The following GALNT17 variants were observed in gnomAD, a reference collection of about 807,000 sequenced individuals.
The protein encoded by GALNT17 is polypeptide N-acetylgalactosaminyltransferase 17, also known as UDP-GalNAc:polypeptide N-acetylgalactosaminyltransferase-like 3.
GALNT17 carries 29 observed loss-of-function variants against 63.7 expected under a neutral mutation model. The ratio of observed to expected loss-of-function variants is 0.46; its 90% CI spans 0.34 to 0.62. The LOEUF is 0.62. Among genes scored for constraint, GALNT17 ranks in the 20% least tolerant of loss-of-function variants. The pLI, the probability that GALNT17 is intolerant of heterozygous loss-of-function variation, is 0.01. For synonymous variants in GALNT17, 305 were observed against 318.3 expected (o/e 0.96, Z 0.45); for missense variants, 603 against 799.6 (o/e 0.75, Z 2.97).
Position 71,250,681 on chromosome 7 carries a change from G to A in GALNT17, c.239-84869G>A, listed in dbSNP as rs545901383. 5.3e-5 allele frequency among the ~76,000 whole-genome samples: 8 copies of A among 152,240 alleles called. No homozygotes were observed. In the East Asian group the frequency reaches 1.2e-3, roughly 22 times the overall value. ...ATTTAGTTCAGAATATAAATTTACC[G>A]TAGTGACAAAAACTGCAATTACTTT... On this transcript the variant is annotated intron_variant, in intron 1 of 10. Transcript: ENST00000333538.
At chr7:71,622,012 T>C (rs1304634927) in intron 6 of GALNT17, among the ~76,000 whole-genome samples, 1 of 152,176 alleles carries the variant, frequency 6.6e-6, no homozygotes, top group Admixed American at 6.5e-5. Flanking sequence ...CCAGTAAACC[T>C]TACACCATAA....
intron 5 of GALNT17, among the ~76,000 whole-genome samples, chr7:71,511,274 G>A (rs867153902): frequency 6.6e-6 from 1 of 152,166 alleles, no homozygotes; most frequent in Middle Eastern, 3.2e-3. Context: ...GTGGGAATGG[G>A]CTTGGATTTG....
chr7:71,168,701 GTGTA>G (rs918123818), intron 1 of GALNT17, among the ~76,000 whole-genome samples: 6 of 76,432 alleles, frequency 7.9e-5, no homozygotes, highest in South Asian at 9.9e-4. Context: ...ACATAGTTAC[GTGTA>G]TGTGTGTGTG....
In GALNT17 at chr7:71,533,803, T is replaced by A. The variant is rs575554817; in HGVS notation, c.963-37482T>A. On this transcript the variant is annotated intron_variant, in intron 5 of 10. Transcript: ENST00000333538. Reference sequence around the variant, plus strand: ...AACACAGGTGATGTCAGCTGGGAGATGGAAGGCTGCTCCCAAATCCATCTC... The same window carrying A: ...AACACAGGTGATGTCAGCTGGGAGAAGGAAGGCTGCTCCCAAATCCATCTC... Among the ~76,000 whole-genome samples, 3 of 152,172 alleles carry A rather than the reference T, an allele frequency of 2.0e-5. No individual in the cohort carries two copies. In the South Asian group the frequency reaches 6.2e-4, roughly 32 times the overall value.
At chr7:71,657,404 C>T (rs1790844280) in intron 6 of GALNT17, among the ~76,000 whole-genome samples, 2 of 152,234 alleles carry the variant, frequency 1.3e-5, no homozygotes, top group African/African-American at 4.8e-5. Context: ...GTTTGGAGCC[C>T]ATAGCCTGTG....
At chr7:71,492,202 C>G (rs780810720) in intron 5 of GALNT17, among the ~76,000 whole-genome samples, 7 of 152,156 alleles carry the variant, frequency 4.6e-5, no homozygotes, top group African/African-American at 1.7e-4. Context: ...TCACTTGAAC[C>G]AGGGAGTCGG....
chr7:71,432,055 A>G (rs1363752809), intron 5 of GALNT17, among the ~76,000 whole-genome samples: 1 of 152,106 alleles, frequency 6.6e-6, no homozygotes, highest in African/African-American at 2.4e-5. Context: ...CACACCTGTA[A>G]TTCCAGCTAC....
chr7:71,624,491 A>G (rs1040530524), intron 6 of GALNT17, among the ~76,000 whole-genome samples: 4 of 152,040 alleles, frequency 2.6e-5, no homozygotes, highest in Non-Finnish European at 4.4e-5. Flanking sequence ...TTGCAAGGGG[A>G]AAAAAATGAC....
At chr7:71,488,524 C>A (rs1041697465) in intron 5 of GALNT17, among the ~76,000 whole-genome samples, 4 of 151,700 alleles carry the variant, frequency 2.6e-5, no homozygotes, top group African/African-American at 9.7e-5. Context: ...CTAACACAAT[C>A]CCAGCTCCAC....
chr7:71,392,450 C>G (rs1793067755), intron 3 of GALNT17, among the ~76,000 whole-genome samples: 1 of 152,136 alleles, frequency 6.6e-6, no homozygotes, highest in Admixed American at 6.5e-5. Context: ...TAAGAACCCC[C>G]TGGGACTCCA....
In GALNT17 at chr7:71,700,506, T is replaced by C. The variant is rs563983493; in HGVS notation, c.1501-10255T>C. 3.3e-5 allele frequency among the ~76,000 whole-genome samples: 5 copies of C among 152,156 alleles called. No homozygotes were observed. In the South Asian group the frequency reaches 1.0e-3, roughly 32 times the overall value. On this transcript the variant is annotated intron_variant, in intron 9 of 10. Coordinates refer to ENST00000333538, the MANE Select transcript of GALNT17 (RefSeq NM_022479.3). ...ATGGCTCTTGATGAGAAAGCCCCGA[T>C]TCCTGAGCTTGATGGACTCCATCTA... is the stretch of plus-strand genomic sequence containing the variant.
chr7:71,180,463 G>A (rs544100292), intron 1 of GALNT17, among the ~76,000 whole-genome samples: 5 of 152,114 alleles, frequency 3.3e-5, no homozygotes, highest in Non-Finnish European at 5.9e-5. Flanking sequence ...GTCACGTGCA[G>A]ATGAATGGTG....
At chr7:71,204,932 G>A (rs561208960) in intron 1 of GALNT17, among the ~76,000 whole-genome samples, 1 of 151,998 alleles carries the variant, frequency 6.6e-6, no homozygotes, top group East Asian at 1.9e-4. Context: ...TTTTAGTAGA[G>A]ACGGGGTTTC....
At chr7:71,256,144 A>T (rs568719273) in intron 1 of GALNT17, among the ~76,000 whole-genome samples, 4 of 152,264 alleles carry the variant, frequency 2.6e-5, no homozygotes, top group Middle Eastern at 3.4e-3. Flanking sequence ...TCTTTCATCC[A>T]TTTACCAATC....
chr7:71,275,393 C>G (rs1006450157), intron 1 of GALNT17, among the ~76,000 whole-genome samples: 1 of 152,066 alleles, frequency 6.6e-6, no homozygotes, highest in Non-Finnish European at 1.5e-5. Context: ...TAGTGAAATC[C>G]CATCTCTGGA....
chr7:71,472,416 C>T (rs984328068), intron 5 of GALNT17, among the ~76,000 whole-genome samples: 18 of 152,280 alleles, frequency 1.2e-4, no homozygotes, highest in African/African-American at 4.1e-4. Flanking sequence ...GGGCTGGGCG[C>T]GGTGGCTCAT....
At chr7:71,318,768 T>G (rs1442155971) in intron 1 of GALNT17, among the ~76,000 whole-genome samples, 1 of 152,118 alleles carries the variant, frequency 6.6e-6, no homozygotes, top group Non-Finnish European at 1.5e-5. Context: ...ATTTCAACCT[T>G]AGGACCTCTT....
intron 5 of GALNT17, among the ~76,000 whole-genome samples, chr7:71,524,268 A>ATAATAATAATATAT: frequency 6.8e-6 from 1 of 147,664 alleles, no homozygotes; most frequent in African/African-American, 2.5e-5. Flanking sequence ...TATTATATAT[A>ATAATAATAATATAT]ATTATATATT....
chr7:71,336,273 G>A (rs1791905090), intron 2 of GALNT17, among the ~76,000 whole-genome samples: 1 of 152,088 alleles, frequency 6.6e-6, no homozygotes, highest in South Asian at 2.1e-4. Flanking sequence ...TCGAACTCCT[G>A]ACCTCAGGTG....
Sources: gnomAD v4.1 joint callset for allele counts (sites outside exome capture counted in the v4.1 genomes callset) on GRCh38, gnomAD v4.1.1 for gene constraint, MANE v1.5 for transcripts, NCBI Gene and HGNC (gene_info 2026-07-23, HGNC 2026-07-21) for gene names.